The following CAMKMT variants were observed in gnomAD, a reference collection of about 807,000 sequenced individuals.
The protein encoded by CAMKMT is calmodulin-lysine N-methyltransferase.
Under a neutral mutation model 48.0 loss-of-function variants are expected in CAMKMT, and 53 were observed. That is an observed-to-expected ratio of 1.10 (90% CI 0.89 to 1.39). The LOEUF is 1.39. Ranked by LOEUF, CAMKMT falls within the 40% of genes most tolerant of loss-of-function variation. The pLI is 0.00. For missense variants in CAMKMT, 428 were observed against 402.7 expected (o/e 1.06, Z -0.54); for synonymous variants, 165 against 152.3 (o/e 1.08, Z -0.61).
In CAMKMT at chr2:44,362,145, G is replaced by C. The variant is rs1174964558; in HGVS notation, c.138G>C (p.Gln46His). The part of the protein sequence containing the change: ...LGAARWKLLR[Q>H]VLKQKHLDDC... ...CCGCCCGGTGGAAGCTCCTGCGGCA[G>C]GTAAGGGAGAACCTGCTCGCCTCAC... The change falls in exon 1 of 11, where the codon CAG (glutamine) becomes CAC (histidine). Residue 46 changes from glutamine to histidine, a missense_variant and splice_region_variant. Gln to His is a conservative substitution (Grantham distance 24, BLOSUM62 0). Transcript: ENST00000378494. The C allele has an allele frequency of 2.0e-6, 3 of 1,472,120 alleles. No individual in the cohort carries two copies. Among genetic ancestry groups the C allele is most frequent in the African/African-American group, 1.5e-5 (1 of 67,476 alleles). 91.2% of individuals were successfully genotyped at this position (1,472,120 alleles called of 1,614,324 possible).
intron 3 of CAMKMT, among the ~76,000 whole-genome samples, chr2:44,621,073 C>T (rs1672158138): frequency 6.6e-6 from 1 of 152,060 alleles, no homozygotes; most frequent in Non-Finnish European, 1.5e-5. Flanking sequence ...CAGAGACCAT[C>T]CTGGCTAAAA....
At chr2:44,493,616 A>T in intron 3 of CAMKMT, among the ~76,000 whole-genome samples, 1 of 152,084 alleles carries the variant, frequency 6.6e-6, no homozygotes, top group Non-Finnish European at 1.5e-5. Context: ...ATTTTTGACC[A>T]CCTGATTTTT....
chr2:44,524,275 A>G (rs979554242), intron 3 of CAMKMT, among the ~76,000 whole-genome samples: 2 of 152,148 alleles, frequency 1.3e-5, no homozygotes, highest in Non-Finnish European at 2.9e-5. Context: ...GGGTGGTAAA[A>G]TTCAAGGATA....
At chr2:44,465,665 G>T (rs1381929476) in intron 3 of CAMKMT, among the ~76,000 whole-genome samples, 2 of 152,068 alleles carry the variant, frequency 1.3e-5, no homozygotes, top group Non-Finnish European at 2.9e-5. Flanking sequence ...TAAGTTCCAT[G>T]GGAACGGTGA....
chr2:44,563,943 CAT>C (rs1191317273), intron 3 of CAMKMT, among the ~76,000 whole-genome samples: 2 of 152,124 alleles, frequency 1.3e-5, no homozygotes, highest in Non-Finnish European at 2.9e-5. Context: ...CATACATGTG[CAT>C]ATGTCTTTAT....
chr2:44,385,400 C>T lies in CAMKMT; in HGVS notation c.312-4841C>T, dbSNP rs188415241. Reference sequence around the variant, plus strand: ...TTTCTGGAGGAGTCTTTAGGGTTGTCGAGGTAAACAATCATATCATCAGCA... The same window carrying T: ...TTTCTGGAGGAGTCTTTAGGGTTGTTGAGGTAAACAATCATATCATCAGCA... On this transcript the variant is annotated intron_variant, in intron 2 of 10. Transcript: ENST00000378494. Among the ~76,000 whole-genome samples, 113 of 152,182 alleles carry T rather than the reference C, an allele frequency of 7.4e-4. 1 individual carries two copies. The East Asian group carries it at 0.021, about 28-fold the overall frequency.
At chr2:44,363,038 A>T (rs536069083) in intron 1 of CAMKMT, among the ~76,000 whole-genome samples, 7 of 152,202 alleles carry the variant, frequency 4.6e-5, no homozygotes, top group Admixed American at 1.3e-4. Flanking sequence ...TTGCCACTTT[A>T]CTTGAGATTG....
At chr2:44,408,600 C>A (rs752486113) in intron 3 of CAMKMT, among the ~76,000 whole-genome samples, 1 of 152,010 alleles carries the variant, frequency 6.6e-6, no homozygotes. Context: ...TAAATTAGAG[C>A]ATGACTTTGA....
intron 3 of CAMKMT, among the ~76,000 whole-genome samples, chr2:44,687,065 A>T (rs920118192): frequency 6.6e-6 from 1 of 152,260 alleles, no homozygotes; most frequent in East Asian, 1.9e-4. Context: ...TCTCCAATGT[A>T]TGATAATTCT....
rs914385800 is a variant in CAMKMT, at chr2:44,598,262, C to T, written c.377-106021C>T. ...TAAGAATATTTTTTCCTTGCAAGTTCATGGACCCCCTGAATTCTTTCTATG... is the reference window on the plus strand; with the variant it reads ...TAAGAATATTTTTTCCTTGCAAGTTTATGGACCCCCTGAATTCTTTCTATG... On this transcript the variant is annotated intron_variant, in intron 3 of 10. Coordinates refer to ENST00000378494, the MANE Select transcript of CAMKMT (RefSeq NM_024766.5). Among the ~76,000 whole-genome samples, 12 of 151,932 alleles carry T rather than the reference C, an allele frequency of 7.9e-5. 1 individual carries two copies. Among genetic ancestry groups the T allele is most frequent in the African/African-American group, 2.9e-4 (12 of 41,290 alleles).
At position 44,390,223 on chromosome 2, in the gene CAMKMT, C is replaced by A; in HGVS notation, c.312-18C>A. 1 of 1,587,658 alleles carries A rather than the reference C, an allele frequency of 6.3e-7. No homozygotes were observed. The highest frequency in any genetic ancestry group is 8.6e-7 in the Non-Finnish European group (1 of 1,165,910). On this transcript the variant is annotated intron_variant, in intron 2 of 10. Transcript: ENST00000378494. ...AACATTTCAGAATCATTAAAGCAAA[C>A]GCTTTACTCCTTTCTAGGCATAATA...
At chr2:44,741,012 G>A (rs190153625) in intron 7 of CAMKMT, among the ~76,000 whole-genome samples, 1 of 152,296 alleles carries the variant, frequency 6.6e-6, no homozygotes, top group East Asian at 1.9e-4. Context: ...GTAGGCCATG[G>A]ACTGGTGCCA....
intron 10 of CAMKMT, among the ~76,000 whole-genome samples, chr2:44,766,872 T>G (rs1021029426): frequency 6.6e-6 from 1 of 152,236 alleles, no homozygotes; most frequent in Non-Finnish European, 1.5e-5. Flanking sequence ...CATTTATATT[T>G]TAATGAAAAA....
intron 3 of CAMKMT, among the ~76,000 whole-genome samples, chr2:44,511,515 C>G (rs1670552659): frequency 6.6e-6 from 1 of 152,052 alleles, no homozygotes; most frequent in South Asian, 2.1e-4. Flanking sequence ...TCTCAAACTC[C>G]TGACCTCAGG....
chr2:44,622,643 C>T (rs868384888), intron 3 of CAMKMT, among the ~76,000 whole-genome samples: 4 of 152,168 alleles, frequency 2.6e-5, no homozygotes, highest in Non-Finnish European at 2.9e-5. Flanking sequence ...GGCCTCCAGC[C>T]GCATCCTAAT....
At chr2:44,382,450 C>T (rs1680341906) in intron 2 of CAMKMT, among the ~76,000 whole-genome samples, 1 of 151,034 alleles carries the variant, frequency 6.6e-6, no homozygotes, top group Admixed American at 6.6e-5. Flanking sequence ...TTTGGTCAGT[C>T]ATATTGCAAA....
chr2:44,675,197 G>A lies in CAMKMT; in HGVS notation c.377-29086G>A, dbSNP rs571872355. On this transcript the variant is annotated intron_variant, in intron 3 of 10. Transcript: ENST00000378494. Reference sequence around the variant, plus strand: ...TGTATCCCCTAACCTCTTGGAAAAGGAATCTGTGTTCCTTGCCTCCTCAAC... The same window carrying A: ...TGTATCCCCTAACCTCTTGGAAAAGAAATCTGTGTTCCTTGCCTCCTCAAC... 7.2e-5 allele frequency among the ~76,000 whole-genome samples: 11 copies of A among 152,190 alleles called. No homozygotes were observed. In the South Asian group the frequency reaches 2.3e-3, roughly 32 times the overall value.
intron 3 of CAMKMT, among the ~76,000 whole-genome samples, chr2:44,472,237 A>AT (rs1408706418): frequency 7.2e-5 from 11 of 151,998 alleles, no homozygotes; most frequent in Non-Finnish European, 7.4e-5. Flanking sequence ...CACCTGGCTA[A>AT]TTTTTTTGTG....
chr2:44,455,674 AC>A (rs1667525386), intron 3 of CAMKMT, among the ~76,000 whole-genome samples: 1 of 152,192 alleles, frequency 6.6e-6, no homozygotes, highest in Admixed American at 6.5e-5. Context: ...AAGTTATTTA[AC>A]CACTTTGTGC....
Sources: allele counts gnomAD v4.1 joint callset (sites outside exome capture counted in the v4.1 genomes callset), GRCh38; gene constraint gnomAD v4.1.1; transcripts MANE v1.5; gene names NCBI Gene and HGNC (gene_info 2026-07-23, HGNC 2026-07-21).